Variants in DGKB observed in about 807,000 individuals in gnomAD.
The protein encoded by DGKB is diacylglycerol kinase beta.
A neutral mutation model predicts 114.3 loss-of-function variants in DGKB; 67 were observed. The ratio of observed to expected loss-of-function variants is 0.59; its 90% CI spans 0.48 to 0.72. The LOEUF is 0.72. Among genes scored for constraint, DGKB ranks in the 30% least tolerant of loss-of-function variants. The pLI is 0.00. For missense variants in DGKB, 907 were observed against 975.2 expected, an observed-to-expected ratio of 0.93 and a Z score of 0.93; for synonymous variants, 398 against 323.1, an observed-to-expected ratio of 1.23 and a Z score of -2.49.
At chr7:14,908,044 C>A (rs928520533), upstream of DGKB, among the ~76,000 whole-genome samples, 10 of 152,264 alleles carry the variant, frequency 6.6e-5, no homozygotes, top group African/African-American at 2.4e-4. Flanking sequence ...TAATATAGCC[C>A]AGCCATTTAT....
chr7:14,467,072 A>T (rs1584164507), intron 21 of DGKB, among the ~76,000 whole-genome samples: 1 of 152,042 alleles, frequency 6.6e-6, no homozygotes, highest in Non-Finnish European at 1.5e-5. Flanking sequence ...AAAAGGACAG[A>T]AAGTTGTATA....
chr7:14,969,692 C>T (rs1587479579), intron 1 of DGKB, among the ~76,000 whole-genome samples: 1 of 152,126 alleles, frequency 6.6e-6, no homozygotes, highest in Admixed American at 6.6e-5. Flanking sequence ...TCCCCCAACC[C>T]CCATGGAAAA....
chr7:14,234,421 C>A (rs1792438439), intron 23 of DGKB, among the ~76,000 whole-genome samples: 2 of 151,896 alleles, frequency 1.3e-5, no homozygotes, highest in South Asian at 4.2e-4. Context: ...AGTAAAATAT[C>A]CCCCAATAAA....
chr7:14,429,464 T>C (rs1008600120), intron 21 of DGKB, among the ~76,000 whole-genome samples: 1 of 152,194 alleles, frequency 6.6e-6, no homozygotes, highest in African/African-American at 2.4e-5. Flanking sequence ...GTTTGTTGTT[T>C]AAGCCACTCA....
At chr7:14,624,843 C>G (rs879446656) in intron 14 of DGKB, among the ~76,000 whole-genome samples, 1 of 151,796 alleles carries the variant, frequency 6.6e-6, no homozygotes, top group Non-Finnish European at 1.5e-5. Flanking sequence ...ACTAAAAACG[C>G]AAAAATATAG....
At chr7:14,958,040 C>T (rs1014911070) in intron 1 of DGKB, among the ~76,000 whole-genome samples, 3 of 151,952 alleles carry the variant, frequency 2.0e-5, no homozygotes, top group Non-Finnish European at 4.4e-5. Context: ...TCTGTTATAT[C>T]TTATATGTAC....
Position 14,416,924 on chromosome 7 carries a change from C to A in DGKB, c.1835+61237G>T, listed in dbSNP as rs114523734. ...AATTGTAACCATTGCCTTCAATGAA[C>A]AAGATTGTCGTCTGCTCCCCAGGCA... is the stretch of plus-strand genomic sequence containing the variant. On this transcript the variant is annotated intron_variant, in intron 21 of 25. Coordinates refer to ENST00000402815, the MANE Select transcript of DGKB (RefSeq NM_001350709.2). 1.8e-3 allele frequency among the ~76,000 whole-genome samples: 270 copies of A among 152,128 alleles called. 2 individuals carry two copies. The highest frequency in any genetic ancestry group is 6.1e-3 in the African/African-American group (253 of 41,520).
chr7:14,318,582 A>G (rs1387300252), intron 23 of DGKB, among the ~76,000 whole-genome samples: 3 of 152,176 alleles, frequency 2.0e-5, no homozygotes, highest in Non-Finnish European at 2.9e-5. Context: ...CAAAACCACA[A>G]TGAGATACCA....
At chr7:14,827,690 G>A (rs1234113032) in intron 2 of DGKB, among the ~76,000 whole-genome samples, 5 of 151,968 alleles carry the variant, frequency 3.3e-5, no homozygotes, top group Middle Eastern at 3.2e-3. Context: ...ATGTGGAGAC[G>A]CCTTATGGAG....
At chr7:14,712,744 A>G (rs1827579414) in intron 6 of DGKB, among the ~76,000 whole-genome samples, 1 of 151,986 alleles carries the variant, frequency 6.6e-6, no homozygotes, top group Non-Finnish European at 1.5e-5. Context: ...TCCATGGAAA[A>G]TAAAAGTTGT....
intron 23 of DGKB, among the ~76,000 whole-genome samples, chr7:14,263,973 C>T (rs755018884): frequency 4.6e-5 from 7 of 152,036 alleles, no homozygotes; most frequent in East Asian, 1.9e-4. Context: ...AAATCTTTTG[C>T]GGAAATATCA....
chr7:14,735,235 A>T (rs1586092797), intron 5 of DGKB, among the ~76,000 whole-genome samples: 1 of 152,300 alleles, frequency 6.6e-6, no homozygotes, highest in East Asian at 1.9e-4. Flanking sequence ...AGAGGCAGCC[A>T]GGAAGTATCA....
At chr7:14,846,054 C>T (rs1848585197) in intron 1 of DGKB, among the ~76,000 whole-genome samples, 1 of 152,170 alleles carries the variant, frequency 6.6e-6, no homozygotes, top group African/African-American at 2.4e-5. Flanking sequence ...AAAAACACCA[C>T]TTAACTTTCT....
chr7:14,548,534 G>T (rs910721438), intron 20 of DGKB, among the ~76,000 whole-genome samples: 6 of 152,128 alleles, frequency 3.9e-5, no homozygotes, highest in African/African-American at 1.4e-4. Context: ...AAGGAGATGG[G>T]AATGGTCAGT....
At chr7:14,418,392 T>C (rs68166304) in intron 21 of DGKB, among the ~76,000 whole-genome samples, 33,422 of 136,846 alleles carry the variant, frequency 0.24, 4,415 homozygotes, top group East Asian at 0.27. Context: ...TATATATATA[T>C]ACACACACAC....
At chr7:14,328,196 T>C (rs1809091721) in intron 23 of DGKB, among the ~76,000 whole-genome samples, 1 of 152,098 alleles carries the variant, frequency 6.6e-6, no homozygotes, top group Non-Finnish European at 1.5e-5. Flanking sequence ...GCTTTTTGGG[T>C]TAAGAAGCAT....
At chr7:14,186,145 C>G (rs1391806438) in intron 23 of DGKB, among the ~76,000 whole-genome samples, 2 of 152,272 alleles carry the variant, frequency 1.3e-5, no homozygotes, top group East Asian at 3.9e-4. Flanking sequence ...TAACCAGAAT[C>G]TACAAGAAAC....
At position 14,847,880 on chromosome 7, in the gene DGKB, A is replaced by G. The variant is rs531992321; in HGVS notation, c.-187-6430T>C. Among the ~76,000 whole-genome samples the G allele has an allele frequency of 1.2e-4, 19 of 152,338 alleles. No homozygotes were observed. In the South Asian group the frequency reaches 3.9e-3, roughly 32 times the overall value. Reference sequence around the variant, plus strand: ...AGAAGTAAAGAAAAAAACTACAAATATTATAAAATCTCAAAAGAAGTCAGT... The same window carrying G: ...AGAAGTAAAGAAAAAAACTACAAATGTTATAAAATCTCAAAAGAAGTCAGT... On this transcript the variant is annotated intron_variant, in intron 1 of 25. Coordinates refer to ENST00000402815, the MANE Select transcript of DGKB (RefSeq NM_001350709.2).
At chr7:14,786,139 TACACACAC>T (rs367551082) in intron 2 of DGKB, among the ~76,000 whole-genome samples, 65 of 148,554 alleles carry the variant, frequency 4.4e-4, no homozygotes, top group Non-Finnish European at 9.0e-4. Context: ...CAGGAACATG[TACACACAC>T]ACACACACAC....
Sources: allele counts gnomAD v4.1 joint callset (sites outside exome capture counted in the v4.1 genomes callset), GRCh38; gene constraint gnomAD v4.1.1; transcripts MANE v1.5; gene names NCBI Gene and HGNC (gene_info 2026-07-23, HGNC 2026-07-21).